The following VAPB variants were observed in gnomAD, a reference collection of about 807,000 sequenced individuals.
VAPB encodes VAMP associated protein B and C.
A neutral mutation model predicts 25.6 loss-of-function variants in VAPB; 7 were observed. The ratio of observed to expected loss-of-function variants is 0.27; its 90% CI spans 0.16 to 0.51. The LOEUF (loss-of-function observed/expected upper bound fraction) is 0.51, where lower values mean the gene tolerates loss of function less well. VAPB is among the 20% of genes least tolerant of loss of function. The pLI is 0.97. For missense variants in VAPB, 266 were observed against 301.3 expected, an observed-to-expected ratio of 0.88 and a Z score of 0.87; for synonymous variants, 112 against 109.2, an observed-to-expected ratio of 1.03 and a Z score of -0.16.
rs1273882749 is a variant in VAPB at position 58,414,131 on chromosome 20, C to T, written c.59-4080C>T. Among the ~76,000 whole-genome samples the T allele has an allele frequency of 9.3e-4, 107 of 114,852 alleles. 4 individuals are homozygous for T. Among genetic ancestry groups the T allele is most frequent in the African/African-American group, 3.4e-3 (97 of 28,572 alleles). 75.3% of individuals were successfully genotyped at this position (114,852 alleles called of 152,430 possible). On this transcript the variant is annotated intron_variant, in intron 1 of 5. Transcript: ENST00000475243. Reference sequence around the variant, plus strand: ...GGCGGCTGGCCGGGCGGGAGGCTGACGCCCCGACCTCCCTCCCGGACGGGG... The same window carrying T: ...GGCGGCTGGCCGGGCGGGAGGCTGATGCCCCGACCTCCCTCCCGGACGGGG...
intron 1 of VAPB, among the ~76,000 whole-genome samples, chr20:58,404,856 T>C (rs1490591018): frequency 1.3e-5 from 2 of 152,186 alleles, no homozygotes; most frequent in African/African-American, 4.8e-5. Flanking sequence ...TGTTTCTCTC[T>C]CTAGCTTGAG....
intron 3 of VAPB, 93 bp from the exon 4 acceptor site, chr20:58,438,852 A>G (rs1989102117): frequency 9.5e-7 from 1 of 1,053,256 alleles, no homozygotes; most frequent in Admixed American, 1.8e-5. Context: ...CTTTCTCATT[A>G]AGAGTATTTT....
chr20:58,427,210 A>C (rs1182602462), intron 2 of VAPB, among the ~76,000 whole-genome samples: 2 of 151,754 alleles, frequency 1.3e-5, no homozygotes, highest in Non-Finnish European at 2.9e-5. Context: ...ATGCAGGCGA[A>C]AGTGATCCGT....
chr20:58,436,669 T>G (rs1313216315), intron 3 of VAPB, among the ~76,000 whole-genome samples: 1 of 152,174 alleles, frequency 6.6e-6, no homozygotes, highest in East Asian at 1.9e-4. Flanking sequence ...TATTGTGATA[T>G]ACAGAAAGTT....
In VAPB at chr20:58,423,414, C is replaced by CAAAAAAAAAAAAAAAAAAAAAAAAA. The variant is rs59133081; in HGVS notation, c.211+5062_211+5086dup. ...GCAACAAGAGAGAAACTCCATCTCACAAAAAAAAAAAAAAAAAAAAAAAAA... is the reference window on the plus strand; with the variant it reads ...GCAACAAGAGAGAAACTCCATCTCACAAAAAAAAAAAAAAAAAAAAAAAAAAAAAAAAAAAAAAAAAAAAAAAAAA... On this transcript the variant is annotated intron_variant, in intron 2 of 5. Transcript: ENST00000475243. 1.7e-4 allele frequency among the ~76,000 whole-genome samples: 6 copies of CAAAAAAAAAAAAAAAAAAAAAAAAA among 34,762 alleles called. 2 individuals carry two copies. The highest frequency in any genetic ancestry group is 2.5e-4 in the Non-Finnish European group (5 of 20,134). The allele number at this position is 34,762 out of a possible 152,430, so 22.8% of individuals were successfully genotyped here.
At chr20:58,443,728 G>A (rs759429261) in intron 5 of VAPB, among the ~76,000 whole-genome samples, 1 of 152,126 alleles carries the variant, frequency 6.6e-6, no homozygotes, top group Non-Finnish European at 1.5e-5. Flanking sequence ...GCATCCGGAA[G>A]ACATGGCCAT....
Position 58,423,414 on chromosome 20 carries a change from C to CAAAAAAAAAAAAAAA in VAPB, c.211+5072_211+5086dup, listed in dbSNP as rs59133081. On this transcript the variant is annotated intron_variant, in intron 2 of 5. Transcript: ENST00000475243. ...GCAACAAGAGAGAAACTCCATCTCACAAAAAAAAAAAAAAAAAAAAAAAAA... is the reference window on the plus strand; with the variant it reads ...GCAACAAGAGAGAAACTCCATCTCACAAAAAAAAAAAAAAAAAAAAAAAAAAAAAAAAAAAAAAAA... Among the ~76,000 whole-genome samples, 21 of 34,762 alleles carry CAAAAAAAAAAAAAAA rather than the reference C, an allele frequency of 6.0e-4. 3 individuals are homozygous for CAAAAAAAAAAAAAAA. The highest frequency in any genetic ancestry group is 7.0e-4 in the Non-Finnish European group (14 of 20,134). The allele number at this position is 34,762 out of a possible 152,430, so 22.8% of individuals were successfully genotyped here.
chr20:58,416,354 A>G (rs1988539254), intron 1 of VAPB, among the ~76,000 whole-genome samples: 1 of 152,042 alleles, frequency 6.6e-6, no homozygotes, highest in Non-Finnish European at 1.5e-5. Context: ...AGTACCTTGA[A>G]GAAGAGGTCA....
chr20:58,450,502 G>A lies in VAPB; in HGVS notation c.*6267G>A, dbSNP rs377572546. On this transcript the variant is annotated 3_prime_UTR_variant, in exon 6 of 6. Coordinates refer to ENST00000475243, the MANE Select transcript of VAPB (RefSeq NM_004738.5). ...TTTGGTTCTCATTTCTGTTGCTGTC[G>A]TTTCCTTTTTAAAGACGATTTATCA... is the stretch of plus-strand genomic sequence containing the variant. 2.2e-6 allele frequency: 1 copy of A among 453,586 alleles called. No individual in the cohort carries two copies. Among genetic ancestry groups the A allele is most frequent in the South Asian group, 1.6e-5 (1 of 64,462 alleles). 28.1% of individuals were successfully genotyped at this position (453,586 alleles called of 1,614,324 possible).
At chr20:58,414,313 G>T (rs1464250937) in intron 1 of VAPB, among the ~76,000 whole-genome samples, 3 of 148,636 alleles carry the variant, frequency 2.0e-5, no homozygotes, top group African/African-American at 4.9e-5. Flanking sequence ...CTGCTGGCCT[G>T]GCGGGGGGCT....
At position 58,416,434 on chromosome 20, in the gene VAPB, A is replaced by G. The variant is rs899106959; in HGVS notation, c.59-1777A>G. 1.6e-4 allele frequency among the ~76,000 whole-genome samples: 11 copies of G among 68,846 alleles called. 2 individuals are homozygous for G. Among genetic ancestry groups the G allele is most frequent in the African/African-American group, 6.1e-4 (11 of 17,910 alleles). The allele number at this position is 68,846 out of a possible 152,430, so 45.2% of individuals were successfully genotyped here. ...CAACTTCATAAGGGGGAGAGGGTGA[A>G]CTGAGGTATCCCGTAGGTGGTTGAG... On this transcript the variant is annotated intron_variant, in intron 1 of 5. Transcript: ENST00000475243.
At chr20:58,403,021 C>T (rs1817232263) in intron 1 of VAPB, among the ~76,000 whole-genome samples, 1 of 151,782 alleles carries the variant, frequency 6.6e-6, no homozygotes, top group African/African-American at 2.4e-5. Context: ...AAAAACAAAG[C>T]TGAGAAAGGA....
chr20:58,443,146 T>C (rs1481408520), intron 5 of VAPB, among the ~76,000 whole-genome samples: 1 of 152,204 alleles, frequency 6.6e-6, no homozygotes, highest in Non-Finnish European at 1.5e-5. Context: ...ATTTCTTACA[T>C]TTCCATGTAG....
chr20:58,413,819 G>A (rs1464730548), intron 1 of VAPB, among the ~76,000 whole-genome samples: 1 of 141,940 alleles, frequency 7.0e-6, no homozygotes, highest in African/African-American at 2.6e-5. Flanking sequence ...TGGCCGGGCG[G>A]GGGGCTGACC....
Position 58,389,526 on chromosome 20 carries a change from C to T in VAPB, c.58+9C>T, listed in dbSNP as rs1232943562. On this transcript the variant is annotated intron_variant, in intron 1 of 5. Coordinates refer to ENST00000475243, the MANE Select transcript of VAPB (RefSeq NM_004738.5). ...CGAGCTCAAATTCCGAGGTAAGCCC[C>T]AGAGGCCGCCACCTTCCTGCCCGCG... The T allele has an allele frequency of 7.6e-6, 12 of 1,577,696 alleles. No individual in the cohort carries two copies. The highest frequency in any genetic ancestry group is 9.5e-6 in the Non-Finnish European group (11 of 1,163,242).
At chr20:58,402,650 CAG>C (rs1988128348) in intron 1 of VAPB, among the ~76,000 whole-genome samples, 1 of 150,540 alleles carries the variant, frequency 6.6e-6, no homozygotes, top group Non-Finnish European at 1.5e-5. Context: ...GGCAGTTTCT[CAG>C]GGAGTTCATG....
intron 2 of VAPB, among the ~76,000 whole-genome samples, chr20:58,429,860 G>C (rs957670506): frequency 3.9e-5 from 6 of 152,036 alleles, no homozygotes; most frequent in African/African-American, 1.4e-4. Context: ...AGACCATTTG[G>C]TGTAGCATAA....
intron 1 of VAPB, among the ~76,000 whole-genome samples, chr20:58,396,014 C>T (rs563558379): frequency 6.6e-6 from 1 of 152,330 alleles, no homozygotes; most frequent in Admixed American, 6.5e-5. Flanking sequence ...TCTACAAACA[C>T]TGTCTTTGTA....
chr20:58,425,627 A>G lies in VAPB; in HGVS notation c.211+7264A>G, dbSNP rs148786613. ...CCCACAGTAGGAACTGTGGTATGAA[A>G]TGGTGTTTCAGCAGGAACTGCAGTG... On this transcript the variant is annotated intron_variant, in intron 2 of 5. Transcript: ENST00000475243. 2.0e-5 allele frequency among the ~76,000 whole-genome samples: 3 copies of G among 152,328 alleles called. No individual in the cohort carries two copies. In the East Asian group the frequency reaches 5.8e-4, roughly 29 times the overall value.
Sources: allele counts gnomAD v4.1 joint callset (sites outside exome capture counted in the v4.1 genomes callset), GRCh38; gene constraint gnomAD v4.1.1; transcripts MANE v1.5; gene names NCBI Gene and HGNC (gene_info 2026-07-23, HGNC 2026-07-21).